Variants in COPS9 observed in about 807,000 individuals in gnomAD.
The protein encoded by COPS9 is COP9 signalosome subunit 9.
In COPS9, 8 loss-of-function variants were observed where a neutral mutation model predicts 7.2. That is an observed-to-expected ratio of 1.11 (90% confidence interval 0.65 to 2.00). COPS9 has a LOEUF of 2.00. COPS9 is among the 30% of genes most tolerant of loss of function. COPS9 has a pLI of 0.00. For missense variants in COPS9, 74 were observed against 77.7 expected, an observed-to-expected ratio of 0.95 and a Z score of 0.18; for synonymous variants, 39 against 28.7, an observed-to-expected ratio of 1.36 and a Z score of -1.14.
In COPS9 at chr2:240,132,810, G is replaced by A. The variant is rs138415063; in HGVS notation, c.136+1123C>T. Among the ~76,000 whole-genome samples the A allele has an allele frequency of 2.5e-3, 381 of 152,330 alleles. 1 individual carries two copies. The highest frequency in any genetic ancestry group is 3.6e-3 in the Non-Finnish European group (243 of 68,032). On this transcript the variant is annotated intron_variant, in intron 2 of 2. Coordinates refer to ENST00000607357, the MANE Select transcript of COPS9 (RefSeq NM_001163424.2). The surrounding 1 kb of genome is among the most constrained non-coding windows in gnomAD (Gnocchi z 4.1). ...TTTTTGCAAAGCAGCTTTGGAGAGC[G>A]CTCTGCAGCTTTGTACAATTTGTTC...
chr2:240,134,311 G>T (rs759237784), intron 1 of COPS9: 3 of 288,210 alleles, frequency 1.0e-5, no homozygotes, highest in East Asian at 7.0e-5. Context: ...AGAGCTTTCC[G>T]ATCCCTCGCC....
At chr2:240,136,081 G>A in intron 1 of COPS9, 141 bp downstream of exon 1, 4 of 1,251,060 alleles carry the variant, frequency 3.2e-6, no homozygotes, top group Non-Finnish European at 4.1e-6. Flanking sequence ...TTTGCTCTCC[G>A]CGGGGCAGGG....
At chr2:240,127,016 G>A (rs181068184), downstream of COPS9, 27 of 1,539,144 alleles carry the variant, frequency 1.8e-5, no homozygotes, top group Non-Finnish European at 9.7e-6. Context: ...GAGTGACCTG[G>A]GACAAGTCAT....
chr2:240,130,427 T>C (rs936577252), downstream of COPS9, among the ~76,000 whole-genome samples: 2 of 152,242 alleles, frequency 1.3e-5, no homozygotes, highest in African/African-American at 4.8e-5. Flanking sequence ...TCCTTTGAAA[T>C]GGACCAATGT....
chr2:240,129,984 G>C (rs148054540), downstream of COPS9: 16 of 1,613,832 alleles, frequency 9.9e-6, no homozygotes, highest in Non-Finnish European at 1.2e-5. Flanking sequence ...CTGCAGTGCG[G>C]GAACCATGGA....
intron 2 of COPS9, 95 bp from the exon 3 acceptor site, chr2:240,131,183 A>G: frequency 7.5e-7 from 1 of 1,337,194 alleles, no homozygotes; most frequent in South Asian, 1.3e-5. Flanking sequence ...CAAAATACAG[A>G]GATAATCGTC....
At position 240,133,827 on chromosome 2, in the gene COPS9, A is replaced by G. The variant is rs541528026; in HGVS notation, c.136+106T>C. ...ATTCTGAGAGGAGCGCAGGGGCTCT[A>G]CCACCTTATGATCCAAATTATTCAT... On this transcript the variant is annotated intron_variant, in intron 2 of 2. Transcript: ENST00000607357. 8 of 1,149,952 alleles carry G rather than the reference A, an allele frequency of 7.0e-6. No homozygotes were observed. In the East Asian group the frequency reaches 1.9e-4, roughly 27 times the overall value. 71.2% of individuals were successfully genotyped at this position (1,149,952 alleles called of 1,614,324 possible).
Sources: allele counts gnomAD v4.1 joint callset (sites outside exome capture counted in the v4.1 genomes callset), GRCh38; gene constraint gnomAD v4.1.1; non-coding constraint Gnocchi (gnomAD v3.1); transcripts MANE v1.5; gene names NCBI Gene and HGNC (gene_info 2026-07-23, HGNC 2026-07-21).